CDH11: variants seen among roughly 807,000 people sequenced by gnomAD.
CDH11 encodes cadherin-11.
In CDH11, 11 loss-of-function variants were observed where a neutral mutation model predicts 67.8. The ratio of observed to expected loss-of-function variants is 0.16; its 90% confidence interval spans 0.10 to 0.27. The LOEUF is 0.27. Ranked by LOEUF, CDH11 falls within the 10% of genes least tolerant of loss-of-function variation. The probability of loss-of-function intolerance (pLI) is 1.00; values close to 1 mark genes in which losing one functional copy is unlikely to be tolerated. For synonymous variants in CDH11, 419 were observed against 400.0 expected (o/e 1.05, Z -0.57); for missense variants, 847 against 1,031.2 (o/e 0.82, Z 2.45).
intron 6 of CDH11, among the ~76,000 whole-genome samples, chr16:64,989,866 C>G (rs2072586785): frequency 6.6e-6 from 1 of 152,176 alleles, no homozygotes; most frequent in Non-Finnish European, 1.5e-5. Context: ...TACTTCAGCT[C>G]ATTATGTTTT....
At chr16:65,046,194 T>C (rs1293048266) in intron 2 of CDH11, among the ~76,000 whole-genome samples, 1 of 152,224 alleles carries the variant, frequency 6.6e-6, no homozygotes, top group Non-Finnish European at 1.5e-5. Flanking sequence ...GTGTTGACTC[T>C]GACAAGCTGA....
At chr16:64,960,799 A>G (rs2071652133) in intron 11 of CDH11, among the ~76,000 whole-genome samples, 1 of 152,156 alleles carries the variant, frequency 6.6e-6, no homozygotes, top group South Asian at 2.1e-4. Flanking sequence ...TCAGTTAAAT[A>G]CATAGGAAAT....
In CDH11 at chr16:64,948,102, G is replaced by A. The variant is rs992269257; in HGVS notation, c.1895-3C>T. 2.5e-6 allele frequency: 4 copies of A among 1,606,218 alleles called. No individual in the cohort carries two copies. The highest frequency in any genetic ancestry group is 3.4e-5 in the Admixed American group (2 of 59,182). Reference sequence around the variant, plus strand: ...GGTCACAAACAATACTACAATGACTGGAGGGAAAGAAAAAGAAGGTAAGCA... The same window carrying A: ...GGTCACAAACAATACTACAATGACTAGAGGGAAAGAAAAAGAAGGTAAGCA... On this transcript the variant is annotated splice_region_variant and splice_polypyrimidine_tract_variant and intron_variant, in intron 12 of 12. Coordinates refer to ENST00000268603, the MANE Select transcript of CDH11 (RefSeq NM_001797.4).
chr16:65,115,292 G>A (rs565123149), intron 1 of CDH11, among the ~76,000 whole-genome samples: 21 of 152,232 alleles, frequency 1.4e-4, no homozygotes, highest in Non-Finnish European at 2.4e-4. Context: ...AAGTGGAAGA[G>A]GGATGGATCA....
chr16:64,965,472 C>T (rs896075344), intron 11 of CDH11, among the ~76,000 whole-genome samples: 2 of 152,058 alleles, frequency 1.3e-5, no homozygotes, highest in African/African-American at 4.8e-5. Context: ...TCACAGTCTT[C>T]CACCTCCACA....
intron 7 of CDH11, among the ~76,000 whole-genome samples, chr16:64,984,384 T>G (rs1041588822): frequency 2.0e-5 from 3 of 152,220 alleles, no homozygotes; most frequent in Admixed American, 6.5e-5. Flanking sequence ...GGCTGATAGA[T>G]GCTTAACATT....
At chr16:65,087,454 G>A (rs2074719886) in intron 1 of CDH11, among the ~76,000 whole-genome samples, 1 of 152,194 alleles carries the variant, frequency 6.6e-6, no homozygotes, top group African/African-American at 2.4e-5. Flanking sequence ...ATAAGTACTA[G>A]GTGGACTCTA....
rs185292538 is a variant in CDH11 at position 65,012,669 on chromosome 16, T to G, written c.-172-7628A>C. ...GCTGTCTTCATGGAGCCCACCCTAC[T>G]GATCTGTTCCTGAATTTCTGTGAGA... On this transcript the variant is annotated intron_variant, in intron 2 of 12. Coordinates refer to ENST00000268603, the MANE Select transcript of CDH11 (RefSeq NM_001797.4). Among the ~76,000 whole-genome samples, 243 of 152,348 alleles carry G rather than the reference T, an allele frequency of 1.6e-3. 1 individual carries two copies. Among genetic ancestry groups the G allele is most frequent in the African/African-American group, 5.3e-3 (219 of 41,580 alleles).
At chr16:65,035,403 G>A (rs1285654319) in intron 2 of CDH11, among the ~76,000 whole-genome samples, 1 of 152,224 alleles carries the variant, frequency 6.6e-6, no homozygotes, top group African/African-American at 2.4e-5. Flanking sequence ...AAGCGCAGTG[G>A]AAGTATAGCC....
rs1202142923 is a variant in CDH11 at position 65,121,132 on chromosome 16, A to G, written c.-298+748T>C. On this transcript the variant is annotated intron_variant, in intron 1 of 12. Coordinates refer to ENST00000268603, the MANE Select transcript of CDH11 (RefSeq NM_001797.4). This position sits in a 1 kb window ranked among gnomAD's most constrained non-coding sequence, Gnocchi z 4.1. ...TGGCAGCTTTCGCCAATCCCAAGCCAGAGGCGAGCCCGAGTCTGGGCCGCT... is the reference window on the plus strand; with the variant it reads ...TGGCAGCTTTCGCCAATCCCAAGCCGGAGGCGAGCCCGAGTCTGGGCCGCT... 1.3e-5 allele frequency among the ~76,000 whole-genome samples: 2 copies of G among 152,074 alleles called. No individual in the cohort carries two copies. The highest frequency in any genetic ancestry group is 2.4e-5 in the African/African-American group (1 of 41,410).
intron 11 of CDH11, among the ~76,000 whole-genome samples, chr16:64,965,771 AACACACACACACACAC>A (rs55992835): frequency 4.5e-4 from 66 of 146,078 alleles, no homozygotes; most frequent in East Asian, 3.6e-3. Flanking sequence ...CGGTGCATGA[AACACACACACACACAC>A]ACACACACAC....
intron 2 of CDH11, among the ~76,000 whole-genome samples, chr16:65,039,651 T>C (rs369093091): frequency 0.041 from 6,278 of 151,926 alleles, 460 homozygotes; most frequent in African/African-American, 0.15. Flanking sequence ...TAGGCATGGG[T>C]AAAGACTTCA....
At chr16:65,123,502 CGCATGGGGAAGGAACCCCAGT>C (rs915613381), upstream of CDH11, among the ~76,000 whole-genome samples, 25 of 152,048 alleles carry the variant, frequency 1.6e-4, no homozygotes, top group African/African-American at 5.5e-4. Flanking sequence ...GGATCCTGAG[CGCATGGGGAAGGAACCCCAGT>C]GCGGGGCTAA....
At chr16:65,110,212 A>G (rs1358039998) in intron 1 of CDH11, among the ~76,000 whole-genome samples, 6 of 151,974 alleles carry the variant, frequency 3.9e-5, no homozygotes, top group African/African-American at 1.5e-4. Context: ...CCAACCTTAC[A>G]CCCTATCTGA....
chr16:65,071,249 A>T (rs2074410971), intron 1 of CDH11, among the ~76,000 whole-genome samples: 1 of 152,236 alleles, frequency 6.6e-6, no homozygotes. Flanking sequence ...ACAATGCCAC[A>T]GAAGTGTTTT....
chr16:65,122,200 C>G (rs1344177875), upstream of CDH11: 1 of 536,044 alleles, frequency 1.9e-6, no homozygotes. Flanking sequence ...CTGAGAGAAG[C>G]CGAGGCTGCG....
chr16:65,059,575 T>C (rs2074203455), intron 1 of CDH11: 1 of 152,108 alleles, frequency 6.6e-6, no homozygotes, highest in African/African-American at 2.4e-5. Context: ...AATCCGGCAT[T>C]GTCCAGGCCT....
chr16:64,957,077 A>G (rs2071533899), intron 11 of CDH11, among the ~76,000 whole-genome samples: 1 of 152,214 alleles, frequency 6.6e-6, no homozygotes, highest in East Asian at 1.9e-4. Flanking sequence ...CACCAAAGCA[A>G]AGGACCAGGA....
intron 1 of CDH11, among the ~76,000 whole-genome samples, chr16:65,055,996 C>T (rs1172530815): frequency 6.6e-6 from 1 of 152,192 alleles, no homozygotes; most frequent in Non-Finnish European, 1.5e-5. Flanking sequence ...GGACTGTTGT[C>T]TGCAAGCCAT....
Sources: allele counts gnomAD v4.1 joint callset (sites outside exome capture counted in the v4.1 genomes callset), GRCh38; gene constraint gnomAD v4.1.1; non-coding constraint Gnocchi (gnomAD v3.1); transcripts MANE v1.5; gene names NCBI Gene and HGNC (gene_info 2026-07-23, HGNC 2026-07-21).